Variants in IPO8 observed in about 807,000 individuals in gnomAD.
IPO8 encodes the protein importin-8.
IPO8 carries 65 observed loss-of-function variants against 141.2 expected under a neutral mutation model. The observed-to-expected ratio is 0.46, with a 90% CI of 0.38 to 0.57. IPO8 has a LOEUF of 0.57. Ranked by LOEUF, IPO8 falls within the 20% of genes least tolerant of loss-of-function variation. The pLI is 0.00. For missense variants in IPO8, 980 were observed against 1,246.8 expected (o/e 0.79, Z 3.22); for synonymous variants, 411 against 420.3 (o/e 0.98, Z 0.27).
intron 23 of IPO8, 152 bp from the exon 24 acceptor site, chr12:30,632,163 G>T: frequency 1.7e-6 from 1 of 577,310 alleles, no homozygotes; most frequent in Non-Finnish European, 3.1e-6. Context: ...TGAAACTTAC[G>T]CCAACAAAGG....
intron 21 of IPO8, among the ~76,000 whole-genome samples, chr12:30,638,105 T>C (rs1486408112): frequency 6.6e-6 from 1 of 152,076 alleles, no homozygotes; most frequent in Non-Finnish European, 1.5e-5. Context: ...GAAAAGAGGA[T>C]TATCAAGCAG....
At chr12:30,666,320 C>T in intron 10 of IPO8, 69 bp from the exon 11 acceptor site, 2 of 1,190,850 alleles carry the variant, frequency 1.7e-6, no homozygotes, top group Non-Finnish European at 2.4e-6. Flanking sequence ...TTAAACCTGA[C>T]TGACCGCTAT....
chr12:30,656,604 C>T (rs981008861), intron 17 of IPO8, 80 bp downstream of exon 17: 1 of 746,828 alleles, frequency 1.3e-6, no homozygotes, highest in Non-Finnish European at 2.1e-6. Flanking sequence ...CTTGTTAAAT[C>T]TGAAGGGCTA....
At chr12:30,646,681 T>C (rs1237673043) in intron 20 of IPO8, among the ~76,000 whole-genome samples, 1 of 152,134 alleles carries the variant, frequency 6.6e-6, no homozygotes, top group Non-Finnish European at 1.5e-5. Flanking sequence ...TATATTTCTA[T>C]ACACTGGCAA....
At chr12:30,675,666 AAAAAAAAAC>A (rs1315779090) in intron 6 of IPO8, among the ~76,000 whole-genome samples, 4 of 151,166 alleles carry the variant, frequency 2.6e-5, no homozygotes, top group African/African-American at 9.7e-5. Context: ...TCTCTACTAA[AAAAAAAAAC>A]AAAAAAAACA....
intron 4 of IPO8, among the ~76,000 whole-genome samples, chr12:30,680,917 T>C (rs1208185973): frequency 6.6e-6 from 1 of 152,168 alleles, no homozygotes; most frequent in East Asian, 1.9e-4. Context: ...GTTTCTAGTA[T>C]TTAAATTAAT....
At chr12:30,674,113 T>G in intron 7 of IPO8, 39 bp from the exon 8 acceptor site, 1 of 1,249,450 alleles carries the variant, frequency 8.0e-7, no homozygotes, top group Non-Finnish European at 1.2e-6. Flanking sequence ...TACCGTGAAT[T>G]TTACAAACAG....
At chr12:30,673,565 C>T (rs1403293198) in intron 8 of IPO8, among the ~76,000 whole-genome samples, 3 of 152,124 alleles carry the variant, frequency 2.0e-5, no homozygotes, top group South Asian at 2.1e-4. Context: ...AGAGTCTTGA[C>T]GTCTAGTAAG....
chr12:30,684,924 T>C (rs2053224978), intron 2 of IPO8, among the ~76,000 whole-genome samples: 2 of 152,186 alleles, frequency 1.3e-5, no homozygotes, highest in Non-Finnish European at 2.9e-5. Flanking sequence ...TTTTGAAATA[T>C]GTACTACTTG....
chr12:30,656,193 C>A (rs770644824), intron 17 of IPO8, among the ~76,000 whole-genome samples: 1 of 152,116 alleles, frequency 6.6e-6, no homozygotes, highest in African/African-American at 2.4e-5. Context: ...CATGCCACCA[C>A]ACTCAGCTAA....
chr12:30,643,479 C>G (rs760994240), intron 20 of IPO8, among the ~76,000 whole-genome samples: 1 of 152,154 alleles, frequency 6.6e-6, no homozygotes, highest in Admixed American at 6.5e-5. Flanking sequence ...ACTATGGTCT[C>G]GATATGGTTT....
intron 11 of IPO8, 21 bp from the exon 12 acceptor site, chr12:30,665,866 AT>A (rs1565502919): frequency 6.7e-7 from 1 of 1,489,610 alleles, no homozygotes; most frequent in Non-Finnish European, 9.4e-7. Context: ...AGAAGAATCC[AT>A]TTAGTCTACA....
chr12:30,677,972 T>C (rs964698964), intron 5 of IPO8, among the ~76,000 whole-genome samples: 4 of 151,732 alleles, frequency 2.6e-5, no homozygotes, highest in African/African-American at 9.7e-5. Flanking sequence ...CCGTCTCTAC[T>C]AAGAATACAA....
At chr12:30,634,765 A>C (rs2052478518) in intron 22 of IPO8, among the ~76,000 whole-genome samples, 1 of 152,090 alleles carries the variant, frequency 6.6e-6, no homozygotes, top group African/African-American at 2.4e-5. Flanking sequence ...TGCCCAAATG[A>C]GATCATTTCT....
Position 30,669,766 on chromosome 12 carries a change from CA to C in IPO8, c.1045-485del, listed in dbSNP as rs11405735. On this transcript the variant is annotated intron_variant, in intron 9 of 24. Transcript: ENST00000256079. ...GTGCAACAGAGTGAGACTCCAGCTCCAAAAAAAAAAAATTGGAATTTTCTTT... is the reference window on the plus strand; with the variant it reads ...GTGCAACAGAGTGAGACTCCAGCTCCAAAAAAAAAAATTGGAATTTTCTTT... 5.0e-4 allele frequency among the ~76,000 whole-genome samples: 74 copies of C among 147,480 alleles called. 4 individuals carry two copies. The highest frequency in any genetic ancestry group is 1.4e-3 in the African/African-American group (57 of 40,362).
At chr12:30,677,165 T>C in intron 5 of IPO8, 2 of 1,111,580 alleles carry the variant, frequency 1.8e-6, no homozygotes, top group Non-Finnish European at 2.5e-6. Flanking sequence ...AAGCTTACAC[T>C]CTAACTGGAA....
intron 15 of IPO8, 56 bp downstream of exon 15, chr12:30,662,271 T>C (rs1423850524): frequency 7.1e-7 from 1 of 1,412,372 alleles, no homozygotes; most frequent in Non-Finnish European, 9.8e-7. Flanking sequence ...TTTTGGAGTT[T>C]ATTTAGATTA....
chr12:30,654,589 T>C (rs1401772230), intron 17 of IPO8, among the ~76,000 whole-genome samples: 1 of 151,932 alleles, frequency 6.6e-6, no homozygotes, highest in Non-Finnish European at 1.5e-5. Context: ...AAAGATTATA[T>C]AAAAATGGCC....
intron 16 of IPO8, among the ~76,000 whole-genome samples, chr12:30,659,280 A>G (rs2052848052): frequency 6.6e-6 from 1 of 152,120 alleles, no homozygotes; most frequent in African/African-American, 2.4e-5. Flanking sequence ...ACTTCAGGTC[A>G]GCAGTTCCAG....
Sources: allele counts gnomAD v4.1 joint callset (sites outside exome capture counted in the v4.1 genomes callset), GRCh38; gene constraint gnomAD v4.1.1; transcripts MANE v1.5; gene names NCBI Gene and HGNC (gene_info 2026-07-23, HGNC 2026-07-21).